The following MCTP1 variants were observed in gnomAD, a reference collection of about 807,000 sequenced individuals.
The protein encoded by MCTP1 is multiple C2 and transmembrane domain containing 1, also known as multiple C2 and transmembrane domain-containing protein 1.
MCTP1 carries 69 observed loss-of-function variants against 120.6 expected under a neutral mutation model. The observed-to-expected ratio is 0.57, with a 90% CI of 0.47 to 0.70. The LOEUF (loss-of-function observed/expected upper bound fraction) is 0.70, where lower values mean the gene tolerates loss of function less well. Ranked by LOEUF, MCTP1 falls within the 30% of genes least tolerant of loss-of-function variation. The probability of loss-of-function intolerance (pLI) is 0.00; values close to 1 mark genes in which losing one functional copy is unlikely to be tolerated. For synonymous variants in MCTP1, 529 were observed against 493.1 expected, an observed-to-expected ratio of 1.07 and a Z score of -0.96; for missense variants, 1,203 against 1,248.8, an observed-to-expected ratio of 0.96 and a Z score of 0.55.
chr5:95,281,238 G>C (rs1367351216), intron 1 of MCTP1, among the ~76,000 whole-genome samples: 1 of 152,196 alleles, frequency 6.6e-6, no homozygotes, highest in Non-Finnish European at 1.5e-5. Flanking sequence ...GCTGCTGAGA[G>C]AGTAAGGAAA....
At chr5:95,169,286 G>T (rs1746885392) in intron 1 of MCTP1, among the ~76,000 whole-genome samples, 1 of 152,194 alleles carries the variant, frequency 6.6e-6, no homozygotes. Context: ...TGTGCTGCTG[G>T]ATTCGGTTTG....
intron 17 of MCTP1, among the ~76,000 whole-genome samples, chr5:94,821,939 T>C (rs1177784712): frequency 6.6e-6 from 1 of 152,226 alleles, no homozygotes; most frequent in East Asian, 1.9e-4. Context: ...AATTACGTTA[T>C]ACCATTAGCT....
intron 1 of MCTP1, among the ~76,000 whole-genome samples, chr5:95,272,360 A>G (rs1475757060): frequency 3.9e-5 from 6 of 152,228 alleles, no homozygotes; most frequent in Non-Finnish European, 8.8e-5. Context: ...TATAGCTGAA[A>G]GGTAAGCCAG....
chr5:95,204,804 A>T (rs925204013), intron 1 of MCTP1, among the ~76,000 whole-genome samples: 6 of 152,154 alleles, frequency 3.9e-5, no homozygotes, highest in Admixed American at 1.3e-4. Context: ...ATAAATTTTT[A>T]AAAATAAGCA....
At chr5:94,784,329 G>A (rs866268251) in intron 18 of MCTP1, among the ~76,000 whole-genome samples, 44 of 151,984 alleles carry the variant, frequency 2.9e-4, no homozygotes, top group Admixed American at 2.8e-3. Context: ...TTTATTATAC[G>A]TGTAAGTATG....
intron 7 of MCTP1, among the ~76,000 whole-genome samples, chr5:94,920,789 T>TAAA (rs1811470468): frequency 1.4e-5 from 2 of 138,008 alleles, no homozygotes; most frequent in East Asian, 2.1e-4. Context: ...AAATAAATAA[T>TAAA]AAAAAGTCAA....
intron 1 of MCTP1, among the ~76,000 whole-genome samples, chr5:95,019,541 T>G (rs1837797081): frequency 6.6e-6 from 1 of 152,108 alleles, no homozygotes; most frequent in South Asian, 2.1e-4. Context: ...TGTGTTAGTT[T>G]CTTTGTTTGC....
At chr5:94,886,430 T>C (rs1416162378) in intron 12 of MCTP1, among the ~76,000 whole-genome samples, 1 of 152,208 alleles carries the variant, frequency 6.6e-6, no homozygotes, top group African/African-American at 2.4e-5. Context: ...GCTGAAACAA[T>C]GGGAGTTTAA....
At chr5:94,905,732 G>A (rs1806700141) in intron 10 of MCTP1, among the ~76,000 whole-genome samples, 1 of 152,218 alleles carries the variant, frequency 6.6e-6, no homozygotes, top group South Asian at 2.1e-4. Flanking sequence ...CTAAATTGGA[G>A]AAATCTATTA....
intron 1 of MCTP1, among the ~76,000 whole-genome samples, chr5:95,092,742 A>ATTT: frequency 6.6e-6 from 1 of 152,314 alleles, no homozygotes; most frequent in East Asian, 1.9e-4. Context: ...TGAATATACC[A>ATTT]TTTTCAAAAA....
chr5:94,928,209 A>AACACACACAC (rs60502360), intron 6 of MCTP1, among the ~76,000 whole-genome samples: 19,771 of 148,362 alleles, frequency 0.13, 1,597 homozygotes, highest in East Asian at 0.38. Context: ...TCTAGGTTAA[A>AACACACACAC]ACACACACAC....
chr5:95,060,888 C>T (rs934616469), intron 1 of MCTP1, among the ~76,000 whole-genome samples: 2 of 148,640 alleles, frequency 1.3e-5, no homozygotes, highest in Non-Finnish European at 3.0e-5. Flanking sequence ...AGGAGAAAAT[C>T]GCTTCAACCT....
chr5:94,890,670 A>G (rs569863970), intron 11 of MCTP1, among the ~76,000 whole-genome samples: 1 of 152,340 alleles, frequency 6.6e-6, no homozygotes, highest in East Asian at 1.9e-4. Context: ...GATAAAATCT[A>G]TTTCACTTCA....
rs114775712 is a variant in MCTP1 at position 94,727,110 on chromosome 5, C to G, written c.2611-12224G>C. The stretch of plus-strand genomic sequence containing the variant: ...ACTCCCTTACAGAAAGAGAGAATCA[C>G]CATCCCTTCTCCCCATCTGAGCTTA... On this transcript the variant is annotated intron_variant, in intron 19 of 22. Coordinates refer to ENST00000515393, the MANE Select transcript of MCTP1 (RefSeq NM_024717.7). 3.4e-3 allele frequency among the ~76,000 whole-genome samples: 511 copies of G among 152,290 alleles called. 2 individuals are homozygous for G. The highest frequency in any genetic ancestry group is 0.012 in the African/African-American group (491 of 41,550).
chr5:94,958,336 C>A (rs1053571137), intron 2 of MCTP1, among the ~76,000 whole-genome samples: 2 of 152,038 alleles, frequency 1.3e-5, no homozygotes, highest in Admixed American at 6.5e-5. Flanking sequence ...AAAATTGACG[C>A]CCTAACATCA....
intron 15 of MCTP1, among the ~76,000 whole-genome samples, 186 bp downstream of exon 15, chr5:94,870,686 G>T (rs967110997): frequency 1.3e-5 from 2 of 152,082 alleles, no homozygotes; most frequent in Non-Finnish European, 2.9e-5. Context: ...GAACACAACC[G>T]CAGCAGCATT....
At chr5:95,067,441 G>T (rs925152945) in intron 1 of MCTP1, among the ~76,000 whole-genome samples, 4 of 151,802 alleles carry the variant, frequency 2.6e-5, no homozygotes, top group African/African-American at 9.7e-5. Context: ...AATACAACAT[G>T]AAAATAAATG....
chr5:95,162,346 C>T (rs1339302873), intron 1 of MCTP1, among the ~76,000 whole-genome samples: 1 of 152,088 alleles, frequency 6.6e-6, no homozygotes, highest in East Asian at 1.9e-4. Flanking sequence ...AGTAATGAAA[C>T]AATTACCTGA....
intron 1 of MCTP1, among the ~76,000 whole-genome samples, chr5:95,160,246 A>T (rs1468569741): frequency 2.0e-5 from 3 of 152,194 alleles, no homozygotes; most frequent in Non-Finnish European, 4.4e-5. Flanking sequence ...AATGATGAAG[A>T]TTTGAACAAA....
Sources: allele counts gnomAD v4.1 joint callset (sites outside exome capture counted in the v4.1 genomes callset), GRCh38; gene constraint gnomAD v4.1.1; transcripts MANE v1.5; gene names NCBI Gene and HGNC (gene_info 2026-07-23, HGNC 2026-07-21).